DRAXIN: variants seen among roughly 807,000 people sequenced by gnomAD.
DRAXIN encodes dorsal inhibitory axon guidance protein.
DRAXIN carries 27 observed loss-of-function variants against 33.9 expected under a neutral mutation model. That is an observed-to-expected ratio of 0.80 (90% CI 0.59 to 1.10). The LOEUF is 1.10. DRAXIN is among the 50% of genes least tolerant of loss of function. The probability of loss-of-function intolerance (pLI) is 0.00; values close to 1 mark genes in which losing one functional copy is unlikely to be tolerated. For missense variants in DRAXIN, 371 were observed against 460.8 expected (o/e 0.81, Z 1.78); for synonymous variants, 178 against 194.0 (o/e 0.92, Z 0.69).
rs867124266 is a variant in DRAXIN, at chr1:11,713,549, C to T, written c.847+1120C>T. On this transcript the variant is annotated intron_variant, in intron 5 of 6. Transcript: ENST00000294485. Reference sequence around the variant, plus strand: ...AACTAATGTCCTAAACCCTGGGGGCCCTTGGGGGTCCGTCGGACCTTCCAG... The same window carrying T: ...AACTAATGTCCTAAACCCTGGGGGCTCTTGGGGGTCCGTCGGACCTTCCAG... Among the ~76,000 whole-genome samples the T allele has an allele frequency of 7.9e-5, 12 of 152,282 alleles. No individual in the cohort carries two copies. In the South Asian group the frequency reaches 1.7e-3, roughly 21 times the overall value.
intron 6 of DRAXIN, among the ~76,000 whole-genome samples, chr1:11,717,417 A>C (rs1641593308): frequency 6.6e-6 from 1 of 151,324 alleles, no homozygotes. Context: ...TAATCTCAGC[A>C]CTTTGGGAGG....
chr1:11,701,633 G>A (rs2100733208), intron 1 of DRAXIN, among the ~76,000 whole-genome samples: 1 of 152,326 alleles, frequency 6.6e-6, no homozygotes, highest in South Asian at 2.1e-4. Context: ...CTGGTCCAGG[G>A]CTACTCCGGG....
intron 2 of DRAXIN, among the ~76,000 whole-genome samples, chr1:11,707,374 G>A (rs1235915507): frequency 2.0e-5 from 3 of 152,196 alleles, no homozygotes; most frequent in Non-Finnish European, 4.4e-5. Flanking sequence ...TAGGAGCTAA[G>A]AGCCTAGACT....
At chr1:11,691,704 C>T (rs1641071616), upstream of DRAXIN, 1 of 143,178 alleles carries the variant, frequency 7.0e-6, no homozygotes, top group Admixed American at 6.9e-5. Flanking sequence ...ACTCCCCCTT[C>T]CTTCCAGTCC....
At chr1:11,719,522 G>C in intron 6 of DRAXIN, 62 bp from the exon 7 acceptor site, 2 of 1,439,690 alleles carry the variant, frequency 1.4e-6, no homozygotes, top group South Asian at 2.4e-5. Flanking sequence ...AGCGTGCAGG[G>C]GAAGGAAGGG....
intron 6 of DRAXIN, among the ~76,000 whole-genome samples, chr1:11,719,011 C>T (rs2100745317): frequency 6.6e-6 from 1 of 152,288 alleles, no homozygotes; most frequent in Admixed American, 6.5e-5. Context: ...TGTGATTCTC[C>T]TGCCTCAGCC....
chr1:11,719,852 A>G lies in DRAXIN; in HGVS notation c.*156A>G. 1 of 705,640 alleles carries G rather than the reference A, an allele frequency of 1.4e-6. No homozygotes were observed. The highest frequency in any genetic ancestry group is 2.4e-6 in the Non-Finnish European group (1 of 414,076). 43.7% of individuals were successfully genotyped at this position (705,640 alleles called of 1,614,324 possible). On this transcript the variant is annotated 3_prime_UTR_variant, in exon 7 of 7. Transcript: ENST00000294485. ...CCCCAGGAGGGGAGCCGCTCGGCGA[A>G]TGAGCTGGGTGGGTGCCCAGGAGCC...
rs1415913150 is a variant in DRAXIN, at chr1:11,705,030, G to C, written c.-10-1219G>C. 5.3e-5 allele frequency among the ~76,000 whole-genome samples: 8 copies of C among 152,192 alleles called. No individual in the cohort carries two copies. Among genetic ancestry groups the C allele is most frequent in the Non-Finnish European group, 8.8e-5 (6 of 68,030 alleles). On this transcript the variant is annotated intron_variant, in intron 1 of 6. Coordinates refer to ENST00000294485, the MANE Select transcript of DRAXIN (RefSeq NM_198545.4). This position sits in a 1 kb window ranked among gnomAD's most constrained non-coding sequence, Gnocchi z 4.8. ...GGGGTCGGGGCTAAGGTGACACTGGGGTGGGCCAGCCAGCATGGGGGCCGC... is the reference window on the plus strand; with the variant it reads ...GGGGTCGGGGCTAAGGTGACACTGGCGTGGGCCAGCCAGCATGGGGGCCGC...
chr1:11,722,023 C>T lies in DRAXIN; in HGVS notation c.*2327C>T, dbSNP rs1441203557. 1 of 152,196 alleles carries T rather than the reference C, an allele frequency of 6.6e-6. No homozygotes were observed. The highest frequency in any genetic ancestry group is 1.9e-4 in the East Asian group (1 of 5,196). 9.4% of individuals were successfully genotyped at this position (152,196 alleles called of 1,614,324 possible). ...TGTAATCCCAGCTACTCAGGAGGCT[C>T]AGGCGGGAGAATCACTTGAACCCAG... is the stretch of plus-strand genomic sequence containing the variant. On this transcript the variant is annotated 3_prime_UTR_variant, in exon 7 of 7. Coordinates refer to ENST00000294485, the MANE Select transcript of DRAXIN (RefSeq NM_198545.4).
upstream of DRAXIN, among the ~76,000 whole-genome samples, chr1:11,689,069 G>A (rs954512167): frequency 2.0e-5 from 3 of 152,154 alleles, no homozygotes; most frequent in African/African-American, 7.2e-5. Context: ...GCCAAGGCAG[G>A]CAGATTGCCT....
rs1270393878 is a variant in DRAXIN at position 11,705,269 on chromosome 1, G to A, written c.-10-980G>A. Among the ~76,000 whole-genome samples the A allele has an allele frequency of 6.6e-6, 1 of 152,186 alleles. No homozygotes were observed. On this transcript the variant is annotated intron_variant, in intron 1 of 6. Transcript: ENST00000294485. The surrounding 1 kb of genome is among the most constrained non-coding windows in gnomAD (Gnocchi z 4.8). ...TGAGGTTGGTGCAATGGAGAGGGGT[G>A]CGTGGGGGAGCAGCTGCGGGTGGTG...
intron 1 of DRAXIN, among the ~76,000 whole-genome samples, chr1:11,701,961 G>A (rs1641281185): frequency 6.6e-6 from 1 of 151,976 alleles, no homozygotes; most frequent in South Asian, 2.1e-4. Flanking sequence ...CCTTGGGCTT[G>A]GAGAGAGGGG....
At chr1:11,699,797 C>T (rs759100691) in intron 1 of DRAXIN, among the ~76,000 whole-genome samples, 1 of 151,486 alleles carries the variant, frequency 6.6e-6, no homozygotes, top group Admixed American at 6.6e-5. Context: ...TGTGGTGGTG[C>T]GTGCCTGTAA....
At chr1:11,718,621 C>T (rs1031984360) in intron 6 of DRAXIN, among the ~76,000 whole-genome samples, 2 of 152,094 alleles carry the variant, frequency 1.3e-5, no homozygotes, top group Non-Finnish European at 2.9e-5. Context: ...GTGTATGCCA[C>T]AATGCCTGGC....
At chr1:11,689,320 G>C (rs998612406), upstream of DRAXIN, among the ~76,000 whole-genome samples, 1 of 146,920 alleles carries the variant, frequency 6.8e-6, no homozygotes, top group African/African-American at 2.6e-5. Context: ...AAAAAAGGCT[G>C]GGTGCTGTAG....
Position 11,722,413 on chromosome 1 carries a change from G to A in DRAXIN, c.*2717G>A, listed in dbSNP as rs908011987. 9.9e-5 allele frequency: 15 copies of A among 152,184 alleles called. No individual in the cohort carries two copies. The highest frequency in any genetic ancestry group is 3.6e-4 in the African/African-American group (15 of 41,444). 9.4% of individuals were successfully genotyped at this position (152,184 alleles called of 1,614,324 possible). ...GGTTGCCAGGGTAGTTCCATGGTTGGAAATTCAAGGCCCGTCTCTTTGCCC... is the reference window on the plus strand; with the variant it reads ...GGTTGCCAGGGTAGTTCCATGGTTGAAAATTCAAGGCCCGTCTCTTTGCCC... On this transcript the variant is annotated 3_prime_UTR_variant, in exon 7 of 7. Transcript: ENST00000294485.
Position 11,706,459 on chromosome 1 carries a change from G to A in DRAXIN, c.201G>A (p.Trp67Ter), listed in dbSNP as rs758120902. The A allele has an allele frequency of 6.2e-7, 1 of 1,611,094 alleles. No individual in the cohort carries two copies. Among genetic ancestry groups the A allele is most frequent in the Non-Finnish European group, 8.5e-7 (1 of 1,179,132 alleles). Residue 67 changes from tryptophan (W) to a stop codon, truncating the protein, a stop_gained, in exon 2 of 7, where the codon TGG (tryptophan) becomes TGA (stop). Transcript: ENST00000294485. LOFTEE classifies it high-confidence loss of function. This position sits in a 1 kb window ranked among gnomAD's most constrained non-coding sequence, Gnocchi z 5.5. ...HRRRGPGKKE[W>*]GPGLPSQAQD... Reference sequence around the variant, plus strand: ...GGCGGGGCCCGGGCAAGAAGGAGTGGGGCCCAGGCCTGCCCAGCCAGGCCC... The same window carrying A: ...GGCGGGGCCCGGGCAAGAAGGAGTGAGGCCCAGGCCTGCCCAGCCAGGCCC...
intron 4 of DRAXIN, 112 bp from the exon 5 acceptor site, chr1:11,712,228 G>C: frequency 7.8e-7 from 1 of 1,282,578 alleles, no homozygotes; most frequent in Non-Finnish European, 1.1e-6. Context: ...ACAGTGCCTT[G>C]TCCAAGCCAT....
intron 3 of DRAXIN, among the ~76,000 whole-genome samples, chr1:11,710,052 G>A (rs1426237000): frequency 6.6e-6 from 1 of 152,112 alleles, no homozygotes; most frequent in Non-Finnish European, 1.5e-5. Context: ...GAGTGTGGTG[G>A]CGCACGCCTG....
Sources: allele counts gnomAD v4.1 joint callset (sites outside exome capture counted in the v4.1 genomes callset), GRCh38; gene constraint gnomAD v4.1.1; non-coding constraint Gnocchi (gnomAD v3.1); transcripts MANE v1.5; gene names NCBI Gene and HGNC (gene_info 2026-07-23, HGNC 2026-07-21).